Variants in GRIP2 observed in about 807,000 individuals in gnomAD.
The protein encoded by GRIP2 is glutamate receptor interacting protein 2, also known as glutamate receptor-interacting protein 2.
GRIP2 carries 58 observed loss-of-function variants against 108.3 expected under a neutral mutation model. The observed-to-expected ratio is 0.54, with a 90% CI of 0.43 to 0.67. The LOEUF is 0.67. Among genes scored for constraint, GRIP2 ranks in the 30% least tolerant of loss-of-function variants. The pLI is 0.00. For synonymous variants in GRIP2, 586 were observed against 598.2 expected (o/e 0.98, Z 0.30); for missense variants, 1,278 against 1,430.6 (o/e 0.89, Z 1.72).
intron 1 of GRIP2, among the ~76,000 whole-genome samples, chr3:14,535,125 G>A (rs958983448): frequency 2.7e-5 from 4 of 146,426 alleles, no homozygotes; most frequent in Admixed American, 2.0e-4. Flanking sequence ...CCAGCTCACC[G>A]GGACCCTGGG....
Position 14,497,685 on chromosome 3 carries a change from G to A in GRIP2, c.2680-1125C>T, listed in dbSNP as rs747975916. Among the ~76,000 whole-genome samples the A allele has an allele frequency of 6.6e-5, 10 of 151,948 alleles. No homozygotes were observed. The East Asian group carries it at 9.7e-4, about 15-fold the overall frequency. On this transcript the variant is annotated intron_variant, in intron 21 of 23. Transcript: ENST00000621039. ...ATGTGTGGATCTAGAAGCATCTTCC[G>A]ACTGCCACATGAAGACTGGGCTGCA...
intron 1 of GRIP2, among the ~76,000 whole-genome samples, chr3:14,539,636 A>C (rs1222576805): frequency 6.6e-6 from 1 of 152,190 alleles, no homozygotes; most frequent in Non-Finnish European, 1.5e-5. Context: ...TTGGAGGAAT[A>C]GGGTGAGCCC....
intron 21 of GRIP2, among the ~76,000 whole-genome samples, chr3:14,497,492 T>A (rs1693643799): frequency 6.6e-6 from 1 of 152,012 alleles, no homozygotes. Flanking sequence ...AAACAGCACG[T>A]GCAAAGCCCT....
Position 14,521,315 on chromosome 3 carries a change from T to G in GRIP2, c.712+327A>C. 1 of 240,934 alleles carries G rather than the reference T, an allele frequency of 4.2e-6. No homozygotes were observed. The highest frequency in any genetic ancestry group is 7.9e-6 in the Non-Finnish European group (1 of 126,298). The allele number at this position is 240,934 out of a possible 1,614,324, so 14.9% of individuals were successfully genotyped here. A position where few individuals can be genotyped will look rare whatever the true frequency, so the allele number is the denominator to read the frequency against. ...AGAGAGCATCCCCCAGCCTGTCCCA[T>G]CTCTCTCCCCTGCCTCTTTTCTTTT... On this transcript the variant is annotated intron_variant, in intron 7 of 23. Transcript: ENST00000621039. This position sits in a 1 kb window ranked among gnomAD's most constrained non-coding sequence, Gnocchi z 5.1.
the GRIP2 span, among the ~76,000 whole-genome samples, chr3:14,601,376 T>G: frequency 2.0e-5 from 3 of 152,178 alleles, no homozygotes; most frequent in South Asian, 6.2e-4. Context: ...GCCCTGCTCC[T>G]TGGGGGCAGC....
intron 1 of GRIP2, among the ~76,000 whole-genome samples, chr3:14,536,383 G>T (rs1694833884): frequency 6.6e-6 from 1 of 152,158 alleles, no homozygotes; most frequent in Non-Finnish European, 1.5e-5. Context: ...CCTCACAACA[G>T]ACCATGCCCT....
At chr3:14,587,999 T>C in the GRIP2 span, among the ~76,000 whole-genome samples, 2 of 152,248 alleles carry the variant, frequency 1.3e-5, no homozygotes, top group Admixed American at 6.5e-5. Flanking sequence ...ATGCACATTA[T>C]ACAACATACC....
the GRIP2 span, among the ~76,000 whole-genome samples, chr3:14,600,694 T>G: frequency 6.6e-6 from 1 of 152,178 alleles, no homozygotes; most frequent in Non-Finnish European, 1.5e-5. Context: ...AAACCTCTCA[T>G]GTGAGACCCA....
intron 1 of GRIP2, among the ~76,000 whole-genome samples, chr3:14,534,310 G>C (rs573605275): frequency 1.3e-5 from 2 of 152,308 alleles, no homozygotes; most frequent in South Asian, 4.1e-4. Context: ...GCCAGAGCTT[G>C]AGAAGTTGAG....
the GRIP2 span, among the ~76,000 whole-genome samples, chr3:14,568,112 G>A: frequency 4.3e-3 from 660 of 152,348 alleles, 6 homozygotes; most frequent in Middle Eastern, 0.017. Context: ...GGCCAGGTTG[G>A]CTGCAGTGAG....
the GRIP2 span, among the ~76,000 whole-genome samples, chr3:14,581,610 C>T: frequency 6.6e-6 from 1 of 152,210 alleles, no homozygotes; most frequent in Non-Finnish European, 1.5e-5. Context: ...GTTCTTTGTC[C>T]ACTGGAAGGT....
At chr3:14,494,311 A>T (rs1296681732) in intron 23 of GRIP2, among the ~76,000 whole-genome samples, 2 of 152,266 alleles carry the variant, frequency 1.3e-5, no homozygotes, top group African/African-American at 4.8e-5. Context: ...AGTAAATTTC[A>T]TATAAATATG....
At chr3:14,547,304 G>T (rs1039625835) in intron 1 of GRIP2, among the ~76,000 whole-genome samples, 1 of 152,212 alleles carries the variant, frequency 6.6e-6, no homozygotes, top group Non-Finnish European at 1.5e-5. Flanking sequence ...TATCTATGCT[G>T]CAAGGGCACA....
intron 1 of GRIP2, among the ~76,000 whole-genome samples, chr3:14,538,272 A>G (rs1259969583): frequency 1.3e-5 from 2 of 152,196 alleles, no homozygotes; most frequent in Non-Finnish European, 2.9e-5. Flanking sequence ...GGGAGGTCAC[A>G]TGACCAGGCC....
At chr3:14,551,088 C>A (rs13062687) in intron 1 of GRIP2, among the ~76,000 whole-genome samples, 2 of 151,998 alleles carry the variant, frequency 1.3e-5, no homozygotes, top group Admixed American at 6.5e-5. Flanking sequence ...AGAAGGGACG[C>A]TGAGGCCAGG....
chr3:14,524,270 C>T, intron 4 of GRIP2, 123 bp downstream of exon 4: 1 of 1,153,766 alleles, frequency 8.7e-7, no homozygotes, highest in Non-Finnish European at 1.2e-6. Context: ...TGCTTGTGGC[C>T]AGTCTCCAGG....
In GRIP2 at chr3:14,507,976, C is replaced by A. The variant is rs1019398055; in HGVS notation, c.2079-276G>T. On this transcript the variant is annotated intron_variant, in intron 17 of 23. Coordinates refer to ENST00000621039, the MANE Select transcript of GRIP2 (RefSeq NM_001080423.4). The surrounding 1 kb of genome is among the most constrained non-coding windows in gnomAD (Gnocchi z 4.6). ...ACACAGGTTTTGAGAATCCCACATA[C>A]TAGCTGCCAAATACTTGCTATGTGA... Among the ~76,000 whole-genome samples the A allele has an allele frequency of 6.6e-6, 1 of 152,246 alleles. No homozygotes were observed.
intron 13 of GRIP2, among the ~76,000 whole-genome samples, chr3:14,513,151 G>A (rs1007141408): frequency 5.9e-5 from 9 of 152,186 alleles, no homozygotes; most frequent in Non-Finnish European, 1.2e-4. Context: ...ACAACCCAGT[G>A]TGAATCTAGC....
chr3:14,504,727 A>G (rs1693869757), intron 20 of GRIP2, among the ~76,000 whole-genome samples: 1 of 152,178 alleles, frequency 6.6e-6, no homozygotes, highest in Non-Finnish European at 1.5e-5. Flanking sequence ...GCTGAAGGAC[A>G]CTTGCTCCAT....
Sources: allele counts gnomAD v4.1 joint callset (sites outside exome capture counted in the v4.1 genomes callset), GRCh38; gene constraint gnomAD v4.1.1; non-coding constraint Gnocchi (gnomAD v3.1); transcripts MANE v1.5; gene names NCBI Gene and HGNC (gene_info 2026-07-23, HGNC 2026-07-21).